RSU1: variants seen among roughly 807,000 people sequenced by gnomAD.
RSU1 encodes the protein Ras suppressor protein 1.
RSU1 carries 26 observed loss-of-function variants against 31.1 expected under a neutral mutation model. That is an observed-to-expected ratio of 0.84 (90% CI 0.61 to 1.16). The LOEUF (loss-of-function observed/expected upper bound fraction) is 1.16, where lower values mean the gene tolerates loss of function less well. Ranked by LOEUF, RSU1 falls within the 50% of genes most tolerant of loss-of-function variation. The probability of loss-of-function intolerance (pLI) is 0.00; values close to 1 mark genes in which losing one functional copy is unlikely to be tolerated. For missense variants in RSU1, 320 were observed against 339.1 expected (o/e 0.94, Z 0.44); for synonymous variants, 164 against 136.3 (o/e 1.20, Z -1.41).
At chr10:16,803,436 T>A (rs1838200202) in intron 2 of RSU1, among the ~76,000 whole-genome samples, 1 of 152,156 alleles carries the variant, frequency 6.6e-6, no homozygotes, top group Non-Finnish European at 1.5e-5. Context: ...CTTCCCAAGT[T>A]GATCTACATA....
At chr10:16,595,774 C>A (rs1339259382) in intron 8 of RSU1, among the ~76,000 whole-genome samples, 3 of 151,706 alleles carry the variant, frequency 2.0e-5, no homozygotes, top group Non-Finnish European at 2.9e-5. Flanking sequence ...GGAGACCATC[C>A]TGGCCAACAT....
intron 8 of RSU1, among the ~76,000 whole-genome samples, chr10:16,670,896 C>A (rs1420579339): frequency 6.6e-6 from 1 of 152,108 alleles, no homozygotes; most frequent in East Asian, 1.9e-4. Flanking sequence ...TCCCCAGTAG[C>A]TGGGATTACA....
intron 7 of RSU1, chr10:16,722,944 ATG>A (rs1190258394): frequency 6.6e-6 from 1 of 150,444 alleles, no homozygotes; most frequent in Non-Finnish European, 1.5e-5. Context: ...ATATACATAT[ATG>A]TATATATACA....
At chr10:16,607,086 A>G (rs1174147013) in intron 8 of RSU1, among the ~76,000 whole-genome samples, 1 of 152,158 alleles carries the variant, frequency 6.6e-6, no homozygotes, top group Non-Finnish European at 1.5e-5. Flanking sequence ...TGAATGGTTC[A>G]GCACTATCCC....
At chr10:16,750,694 G>T (rs1310914456) in intron 7 of RSU1, among the ~76,000 whole-genome samples, 2 of 152,022 alleles carry the variant, frequency 1.3e-5, no homozygotes, top group East Asian at 3.9e-4. Flanking sequence ...AAGCATACAT[G>T]TCAGAGGCAT....
chr10:16,689,111 CA>C (rs1835495210), intron 8 of RSU1, among the ~76,000 whole-genome samples: 1 of 152,000 alleles, frequency 6.6e-6, no homozygotes, highest in Non-Finnish European at 1.5e-5. Context: ...TTTTCAGATA[CA>C]GCAATGAAAA....
chr10:16,727,337 T>C (rs1215630552), intron 7 of RSU1, among the ~76,000 whole-genome samples: 1 of 152,148 alleles, frequency 6.6e-6, no homozygotes, highest in African/African-American at 2.4e-5. Flanking sequence ...TTAAAAAACA[T>C]GCTACCTTTT....
intron 7 of RSU1, among the ~76,000 whole-genome samples, chr10:16,731,486 G>C (rs1196281921): frequency 1.3e-5 from 2 of 151,780 alleles, no homozygotes; most frequent in Admixed American, 6.6e-5. Flanking sequence ...CCTTTTCTGA[G>C]TTCCTGATTA....
At chr10:16,710,943 TG>T (rs1352552203) in intron 7 of RSU1, among the ~76,000 whole-genome samples, 2 of 152,226 alleles carry the variant, frequency 1.3e-5, no homozygotes, top group Admixed American at 6.5e-5. Flanking sequence ...TGTGTTAGTT[TG>T]CTGAAAATGA....
At chr10:16,628,242 G>A (rs969698435) in intron 8 of RSU1, among the ~76,000 whole-genome samples, 1 of 152,172 alleles carries the variant, frequency 6.6e-6, no homozygotes, top group Non-Finnish European at 1.5e-5. Context: ...GGATAGTTTT[G>A]AACATTCTTG....
intron 2 of RSU1, among the ~76,000 whole-genome samples, chr10:16,793,015 G>A (rs1027100343): frequency 2.0e-5 from 3 of 152,292 alleles, no homozygotes; most frequent in South Asian, 2.1e-4. Flanking sequence ...ATCTACTTAC[G>A]TATGCAGGTT....
chr10:16,705,051 G>C (rs1389355473), intron 7 of RSU1, among the ~76,000 whole-genome samples: 3 of 151,694 alleles, frequency 2.0e-5, no homozygotes, highest in Non-Finnish European at 2.9e-5. Flanking sequence ...CTTATCTCTT[G>C]GCAACCACCA....
At chr10:16,758,460 G>A (rs1490119848) in intron 4 of RSU1, among the ~76,000 whole-genome samples, 1 of 152,204 alleles carries the variant, frequency 6.6e-6, no homozygotes, top group Non-Finnish European at 1.5e-5. Context: ...TTCCATGAGA[G>A]GCTACAGTGG....
chr10:16,672,981 A>G (rs556484675), intron 8 of RSU1, among the ~76,000 whole-genome samples: 56 of 152,374 alleles, frequency 3.7e-4, no homozygotes, highest in African/African-American at 1.3e-3. Flanking sequence ...GAACCCAGGC[A>G]GCCTGTTTCC....
chr10:16,784,864 G>A (rs1222565154), intron 2 of RSU1, among the ~76,000 whole-genome samples: 1 of 152,206 alleles, frequency 6.6e-6, no homozygotes. Flanking sequence ...TATAATTCAA[G>A]ATGAGATTTG....
Position 16,777,754 on chromosome 10 carries a change from G to A in RSU1, c.160+4280C>T, listed in dbSNP as rs79388369. 3.5e-3 allele frequency among the ~76,000 whole-genome samples: 529 copies of A among 152,302 alleles called. 12 individuals are homozygous for A. The East Asian group carries it at 0.065, about 19-fold the overall frequency. On this transcript the variant is annotated intron_variant, in intron 3 of 8. Transcript: ENST00000345264. ...TAAAACCTAGGGATTGGATTAAGGA[G>A]CAGACTAAAAAAGACTCAGCTGACA...
intron 8 of RSU1, among the ~76,000 whole-genome samples, chr10:16,641,309 G>A (rs1280245138): frequency 1.3e-5 from 2 of 151,996 alleles, no homozygotes; most frequent in Non-Finnish European, 2.9e-5. Flanking sequence ...TGGCCAACAT[G>A]GTGGAAACCC....
chr10:16,772,798 C>G (rs751969916), intron 3 of RSU1, among the ~76,000 whole-genome samples: 10 of 152,022 alleles, frequency 6.6e-5, no homozygotes, highest in Non-Finnish European at 1.2e-4. Flanking sequence ...ACATAAGCCT[C>G]GATTATTAAC....
At chr10:16,674,170 C>T (rs889886280) in intron 8 of RSU1, among the ~76,000 whole-genome samples, 1 of 152,098 alleles carries the variant, frequency 6.6e-6, no homozygotes, top group Non-Finnish European at 1.5e-5. Flanking sequence ...CTCCCCCTGG[C>T]CCCCGATATT....
Sources: allele counts gnomAD v4.1 joint callset (sites outside exome capture counted in the v4.1 genomes callset), GRCh38; gene constraint gnomAD v4.1.1; transcripts MANE v1.5; gene names NCBI Gene and HGNC (gene_info 2026-07-23, HGNC 2026-07-21).